The following SIPA1L1 variants were observed in gnomAD, a reference collection of about 807,000 sequenced individuals.
The protein encoded by SIPA1L1 is signal induced proliferation associated 1 like 1.
In SIPA1L1, 26 loss-of-function variants were observed where a neutral mutation model predicts 162.7. The ratio of observed to expected loss-of-function variants is 0.16; its 90% confidence interval spans 0.12 to 0.22. SIPA1L1 has a LOEUF of 0.22. Ranked by LOEUF, SIPA1L1 falls within the 10% of genes least tolerant of loss-of-function variation. The pLI, the probability that SIPA1L1 is intolerant of heterozygous loss-of-function variation, is 1.00. For missense variants in SIPA1L1, 1,874 were observed against 2,241.0 expected, an observed-to-expected ratio of 0.84 and a Z score of 3.31; for synonymous variants, 829 against 837.4, an observed-to-expected ratio of 0.99 and a Z score of 0.17.
intron 5 of SIPA1L1, chr14:71,598,469 T>C (rs1447538986): frequency 6.5e-6 from 1 of 152,840 alleles, no homozygotes; most frequent in East Asian, 1.9e-4. Flanking sequence ...GACACATCAT[T>C]TCTGTAGTCC....
At chr14:71,557,535 T>G (rs1174271580) in intron 4 of SIPA1L1, among the ~76,000 whole-genome samples, 3 of 152,256 alleles carry the variant, frequency 2.0e-5, no homozygotes, top group Non-Finnish European at 4.4e-5. Flanking sequence ...AACTTTTGGC[T>G]TTGATGTGGT....
chr14:71,699,115 C>A lies in SIPA1L1; in HGVS notation c.3509C>A (p.Ser1170Tyr), dbSNP rs753758807. The change falls in exon 14 of 24, where the codon TCC becomes TAC. Residue 1170 changes from serine to tyrosine, a missense_variant. Ser to Tyr is a moderately radical substitution (Grantham distance 144). Around this residue, in one of 5 missense-constraint regions of SIPA1L1, gnomAD observed 936 missense variants for 1,051.9 expected, o/e 0.89. Transcript: ENST00000381232. ...GTGGGGGGCACTTACAGGCAGAAGT[C>A]CATGCCCGAAGGGTAGTTATGCGTT... ...GSVGGTYRQK[S>Y]MPEGFGVSRR... 6.2e-7 allele frequency: 1 copy of A among 1,614,136 alleles called. No homozygotes were observed. The highest frequency in any genetic ancestry group is 8.5e-7 in the Non-Finnish European group (1 of 1,179,982).
intron 21 of SIPA1L1, among the ~76,000 whole-genome samples, chr14:71,734,170 C>T (rs2085067174): frequency 6.6e-6 from 1 of 152,242 alleles, no homozygotes; most frequent in Non-Finnish European, 1.5e-5. Context: ...TGTCACAGTG[C>T]CTGCCCTGCT....
chr14:71,510,273 G>A (rs916604164), intron 2 of SIPA1L1, among the ~76,000 whole-genome samples: 1 of 133,878 alleles, frequency 7.5e-6, no homozygotes, highest in African/African-American at 2.9e-5. Flanking sequence ...GGCAACCTCT[G>A]CCTCCCAGGT....
intron 2 of SIPA1L1, among the ~76,000 whole-genome samples, chr14:71,474,885 A>G (rs528757742): frequency 1.2e-4 from 19 of 152,200 alleles, no homozygotes; most frequent in Non-Finnish European, 2.4e-4. Flanking sequence ...CAGGCTGTAA[A>G]TCGTGTAAAA....
chr14:71,499,505 G>A (rs2050037443), intron 2 of SIPA1L1, among the ~76,000 whole-genome samples: 1 of 152,130 alleles, frequency 6.6e-6, no homozygotes, highest in Non-Finnish European at 1.5e-5. Context: ...GCAAGTTCTT[G>A]TTTAAGGAAT....
intron 10 of SIPA1L1, among the ~76,000 whole-genome samples, chr14:71,666,640 C>T (rs960652131): frequency 1.3e-5 from 2 of 152,090 alleles, no homozygotes; most frequent in African/African-American, 4.8e-5. Context: ...TGTGTTACTC[C>T]TCTCAGAGAG....
chr14:71,553,099 G>A (rs1408042073), intron 4 of SIPA1L1, among the ~76,000 whole-genome samples: 2 of 152,114 alleles, frequency 1.3e-5, no homozygotes, highest in Non-Finnish European at 2.9e-5. Flanking sequence ...ACTCTTCTAA[G>A]CAATGAATAC....
chr14:71,623,628 TA>T (rs1157867523), intron 6 of SIPA1L1, among the ~76,000 whole-genome samples: 4 of 152,220 alleles, frequency 2.6e-5, no homozygotes, highest in East Asian at 3.8e-4. Context: ...CCCCTTTTTA[TA>T]ATTCAAAGAA....
chr14:71,502,387 T>C (rs1040691244), intron 2 of SIPA1L1, among the ~76,000 whole-genome samples: 1 of 150,962 alleles, frequency 6.6e-6, no homozygotes, highest in South Asian at 2.1e-4. Flanking sequence ...TACAGGCACA[T>C]GCTACCATGC....
At chr14:71,323,905 C>A (rs1417328710) in intron 2 of SIPA1L1, among the ~76,000 whole-genome samples, 1 of 151,962 alleles carries the variant, frequency 6.6e-6, no homozygotes, top group Non-Finnish European at 1.5e-5. Context: ...CTGATGCCCT[C>A]GTAAAGGTTA....
intron 17 of SIPA1L1, among the ~76,000 whole-genome samples, chr14:71,722,840 A>C (rs2083869056): frequency 6.6e-6 from 1 of 152,134 alleles, no homozygotes. Flanking sequence ...GGTTCAAGCG[A>C]TTCTCTTGCC....
chr14:71,597,665 G>A (rs559566116), intron 5 of SIPA1L1, among the ~76,000 whole-genome samples: 1 of 152,272 alleles, frequency 6.6e-6, no homozygotes, highest in Admixed American at 6.5e-5. Flanking sequence ...GTTTTATCAT[G>A]TTCCACTCTT....
Position 71,605,937 on chromosome 14 carries a change from G to A in SIPA1L1, c.1499-12820G>A, listed in dbSNP as rs535117249. ...GGGCCCTGGGAAGCAGGCATGATAG[G>A]GGTGATAGCAGTAACAGTAGTGGGA... On this transcript the variant is annotated intron_variant, in intron 5 of 23. Transcript: ENST00000381232. 2.0e-5 allele frequency among the ~76,000 whole-genome samples: 3 copies of A among 152,244 alleles called. No individual in the cohort carries two copies. In the East Asian group the frequency reaches 5.8e-4, roughly 29 times the overall value.
At chr14:71,534,321 C>T (rs118162861) in intron 4 of SIPA1L1, among the ~76,000 whole-genome samples, 1 of 152,130 alleles carries the variant, frequency 6.6e-6, no homozygotes, top group East Asian at 1.9e-4. Flanking sequence ...AAAGGTTGAC[C>T]TTAGTGGGAA....
intron 2 of SIPA1L1, among the ~76,000 whole-genome samples, chr14:71,380,790 A>C (rs1326776565): frequency 6.6e-6 from 1 of 152,174 alleles, no homozygotes; most frequent in Non-Finnish European, 1.5e-5. Flanking sequence ...TCTCTTAATC[A>C]TCATAATACT....
At chr14:71,616,174 T>TA (rs1218060858) in intron 5 of SIPA1L1, among the ~76,000 whole-genome samples, 1 of 151,976 alleles carries the variant, frequency 6.6e-6, no homozygotes, top group East Asian at 1.9e-4. Context: ...GCCAGAGCGG[T>TA]AGAAGGAAAA....
intron 2 of SIPA1L1, among the ~76,000 whole-genome samples, chr14:71,389,770 T>C (rs1274021120): frequency 6.6e-6 from 1 of 152,186 alleles, no homozygotes; most frequent in Admixed American, 6.5e-5. Context: ...TCACATTTAG[T>C]AGAGACTCAT....
intron 13 of SIPA1L1, among the ~76,000 whole-genome samples, chr14:71,695,328 T>C (rs1011374594): frequency 2.6e-5 from 4 of 152,214 alleles, no homozygotes; most frequent in Non-Finnish European, 4.4e-5. Context: ...TATTGAGTTA[T>C]ATAAATGCAA....
Sources: gnomAD v4.1 joint callset for allele counts (sites outside exome capture counted in the v4.1 genomes callset) on GRCh38, gnomAD v4.1.1 for gene constraint, gnomAD v4.1.1 regional missense constraint, MANE v1.5 for transcripts, NCBI Gene and HGNC (gene_info 2026-07-23, HGNC 2026-07-21) for gene names.